PAPSS1: variants seen among roughly 807,000 people sequenced by gnomAD.
The protein encoded by PAPSS1 is 3'-phosphoadenosine 5'-phosphosulfate synthase 1.
A neutral mutation model predicts 72.0 loss-of-function variants in PAPSS1; 50 were observed. The observed-to-expected ratio is 0.69, with a 90% confidence interval of 0.55 to 0.88. PAPSS1 has a LOEUF of 0.88. PAPSS1 is among the 40% of genes least tolerant of loss of function. The probability of loss-of-function intolerance (pLI) is 0.00; values close to 1 mark genes in which losing one functional copy is unlikely to be tolerated. For synonymous variants in PAPSS1, 261 were observed against 263.6 expected (o/e 0.99, Z 0.09); for missense variants, 657 against 782.2 (o/e 0.84, Z 1.91).
intron 5 of PAPSS1, among the ~76,000 whole-genome samples, chr4:107,681,007 G>C (rs78769273): frequency 0.035 from 5,309 of 152,184 alleles, 287 homozygotes; most frequent in African/African-American, 0.12. Context: ...CTACCTGGTA[G>C]ATATTTTATA....
rs776255706 is a variant in PAPSS1, at chr4:107,709,192, CTT to C, written c.61-7909_61-7908del. Among the ~76,000 whole-genome samples the C allele has an allele frequency of 7.2e-5, 11 of 152,158 alleles. No individual in the cohort carries two copies. The South Asian group carries it at 1.7e-3, about 23-fold the overall frequency. On this transcript the variant is annotated intron_variant, in intron 1 of 11. Transcript: ENST00000265174. Reference sequence around the variant, plus strand: ...AATATTTTTCATATTAAAAAATAAACTTAAAAAAAATTGCCACATTGTCCTAA... The same window carrying C: ...AATATTTTTCATATTAAAAAATAAACAAAAAAAATTGCCACATTGTCCTAA...
chr4:107,634,839 GC>G (rs1480600809), intron 10 of PAPSS1, among the ~76,000 whole-genome samples: 3 of 128,560 alleles, frequency 2.3e-5, no homozygotes, highest in Non-Finnish European at 4.7e-5. Context: ...TCGCTGTGTC[GC>G]CCAGGCTGGA....
intron 1 of PAPSS1, among the ~76,000 whole-genome samples, chr4:107,718,902 G>A (rs1723702397): frequency 6.6e-6 from 1 of 152,110 alleles, no homozygotes. Flanking sequence ...AAACAATCCC[G>A]TGAAGTACAT....
intron 1 of PAPSS1, among the ~76,000 whole-genome samples, chr4:107,719,189 T>TTTTTTTG: frequency 6.6e-6 from 1 of 151,776 alleles, no homozygotes; most frequent in Admixed American, 6.6e-5. Context: ...AATTGCTTGT[T>TTTTTTTG]TTTTTTTTCT....
chr4:107,716,116 C>G (rs1279374846), intron 1 of PAPSS1, among the ~76,000 whole-genome samples: 1 of 152,166 alleles, frequency 6.6e-6, no homozygotes, highest in Non-Finnish European at 1.5e-5. Context: ...ATCCCCAATT[C>G]TGTTATATCA....
chr4:107,655,707 A>G (rs1726988372), intron 7 of PAPSS1, among the ~76,000 whole-genome samples: 1 of 152,200 alleles, frequency 6.6e-6, no homozygotes, highest in Non-Finnish European at 1.5e-5. Flanking sequence ...GAGAGTAATG[A>G]TAACTGCTTG....
At chr4:107,647,889 T>C (rs1185694957) in intron 9 of PAPSS1, among the ~76,000 whole-genome samples, 3 of 152,156 alleles carry the variant, frequency 2.0e-5, no homozygotes, top group African/African-American at 7.2e-5. Flanking sequence ...TGGCTTCTCT[T>C]AGCCACATCT....
rs935599228 is a variant in PAPSS1, at chr4:107,663,114, T to C, written c.670-3042A>G. Among the ~76,000 whole-genome samples, 5 of 152,184 alleles carry C rather than the reference T, an allele frequency of 3.3e-5. No homozygotes were observed. The East Asian group carries it at 7.7e-4, about 23-fold the overall frequency. On this transcript the variant is annotated intron_variant, in intron 5 of 11. Transcript: ENST00000265174. Reference sequence around the variant, plus strand: ...AAAGTCAGGCACTCATTAGGACTTCTGTGAGGAAGAGTATGATACACTTTC... The same window carrying C: ...AAAGTCAGGCACTCATTAGGACTTCCGTGAGGAAGAGTATGATACACTTTC...
At chr4:107,702,383 A>C (rs1723227037) in intron 1 of PAPSS1, among the ~76,000 whole-genome samples, 1 of 152,258 alleles carries the variant, frequency 6.6e-6, no homozygotes, top group Non-Finnish European at 1.5e-5. Flanking sequence ...TGTCCACAGC[A>C]GCATTTTCAG....
rs565138353 is a variant in PAPSS1, at chr4:107,639,046, G to C, written c.1506+5756C>G. Among the ~76,000 whole-genome samples, 3 of 152,242 alleles carry C rather than the reference G, an allele frequency of 2.0e-5. No individual in the cohort carries two copies. The South Asian group carries it at 6.2e-4, about 32-fold the overall frequency. On this transcript the variant is annotated intron_variant, in intron 10 of 11. Transcript: ENST00000265174. ...GGACATTTAGGGAGGAAACTGTATAGATTACCTAGCTGGGAAATCAGGAAA... is the reference window on the plus strand; with the variant it reads ...GGACATTTAGGGAGGAAACTGTATACATTACCTAGCTGGGAAATCAGGAAA...
At chr4:107,690,176 A>G (rs1006319768) in intron 3 of PAPSS1, among the ~76,000 whole-genome samples, 2 of 152,170 alleles carry the variant, frequency 1.3e-5, no homozygotes, top group African/African-American at 2.4e-5. Context: ...AATCTCTGTT[A>G]TAATCTCAAA....
chr4:107,667,718 G>A (rs1271238566), intron 5 of PAPSS1, among the ~76,000 whole-genome samples: 2 of 152,184 alleles, frequency 1.3e-5, no homozygotes, highest in Non-Finnish European at 2.9e-5. Flanking sequence ...ATTATATATA[G>A]TATAACCTTT....
At chr4:107,697,971 G>A (rs1481767701) in intron 2 of PAPSS1, among the ~76,000 whole-genome samples, 1 of 152,130 alleles carries the variant, frequency 6.6e-6, no homozygotes, top group Non-Finnish European at 1.5e-5. Flanking sequence ...AGAAGCCAAG[G>A]GGGAAACAGA....
At chr4:107,675,954 T>C (rs1388120731) in intron 5 of PAPSS1, among the ~76,000 whole-genome samples, 3 of 152,188 alleles carry the variant, frequency 2.0e-5, no homozygotes, top group Admixed American at 6.5e-5. Flanking sequence ...TCTCAAGAGA[T>C]GCAGAAAAGG....
chr4:107,701,035 G>C (rs1347608730), intron 2 of PAPSS1, 136 bp downstream of exon 2: 1 of 434,234 alleles, frequency 2.3e-6, no homozygotes. Flanking sequence ...ATATTATTAA[G>C]CAACTATGTC....
chr4:107,652,172 T>C (rs1312875674), intron 9 of PAPSS1, among the ~76,000 whole-genome samples: 1 of 152,072 alleles, frequency 6.6e-6, no homozygotes, highest in Non-Finnish European at 1.5e-5. Flanking sequence ...CTCAACCACA[T>C]CCATCTGATT....
intron 3 of PAPSS1, among the ~76,000 whole-genome samples, chr4:107,691,392 G>C (rs1722914243): frequency 6.6e-6 from 1 of 152,192 alleles, no homozygotes; most frequent in African/African-American, 2.4e-5. Flanking sequence ...GGCCACAGCA[G>C]CAATAACTGG....
At chr4:107,686,589 T>C (rs1337845544) in intron 4 of PAPSS1, among the ~76,000 whole-genome samples, 1 of 152,204 alleles carries the variant, frequency 6.6e-6, no homozygotes, top group Non-Finnish European at 1.5e-5. Context: ...CAATAGTACA[T>C]GAAATGAATA....
intron 5 of PAPSS1, among the ~76,000 whole-genome samples, chr4:107,676,249 T>C (rs1727646547): frequency 1.3e-5 from 2 of 152,212 alleles, no homozygotes; most frequent in Non-Finnish European, 2.9e-5. Context: ...AAATTGTCCC[T>C]GTTTGCAGAT....
Sources: gnomAD v4.1 joint callset for allele counts (sites outside exome capture counted in the v4.1 genomes callset) on GRCh38, gnomAD v4.1.1 for gene constraint, MANE v1.5 for transcripts, NCBI Gene and HGNC (gene_info 2026-07-23, HGNC 2026-07-21) for gene names.